Variants in PTPN11 observed in about 807,000 individuals in gnomAD.
PTPN11 encodes the protein tyrosine-protein phosphatase non-receptor type 11.
PTPN11 carries 6 observed loss-of-function variants against 78.8 expected under a neutral mutation model. The ratio of observed to expected loss-of-function variants is 0.08; its 90% CI spans 0.04 to 0.15. PTPN11 has a LOEUF of 0.15. Ranked by LOEUF, PTPN11 falls within the 10% of genes least tolerant of loss-of-function variation. The pLI is 1.00. For synonymous variants in PTPN11, 221 were observed against 263.5 expected, an observed-to-expected ratio of 0.84 and a Z score of 1.56; for missense variants, 386 against 744.8, an observed-to-expected ratio of 0.52 and a Z score of 5.61.
intron 13 of PTPN11, among the ~76,000 whole-genome samples, chr12:112,497,005 C>G (rs1359681304): frequency 6.6e-6 from 1 of 151,996 alleles, no homozygotes; most frequent in African/African-American, 2.4e-5. Context: ...AACCCCATCT[C>G]TACAAAAAAT....
In PTPN11 at chr12:112,458,468, T is replaced by G. The variant is rs139476989; in HGVS notation, c.756+2405T>G. Among the ~76,000 whole-genome samples, 945 of 152,302 alleles carry G rather than the reference T, an allele frequency of 6.2e-3. 13 individuals carry two copies. Among genetic ancestry groups the G allele is most frequent in the South Asian group, 0.032 (152 of 4,824 alleles). ...CAAACAATTCTCCTGTCTTGGCCTCTCAAAGTGTTGGGATTACAGGTGTGA... is the reference window on the plus strand; with the variant it reads ...CAAACAATTCTCCTGTCTTGGCCTCGCAAAGTGTTGGGATTACAGGTGTGA... On this transcript the variant is annotated intron_variant, in intron 6 of 15. Coordinates refer to ENST00000351677, the MANE Select transcript of PTPN11 (RefSeq NM_002834.5).
At chr12:112,428,440 C>T (rs531952314) in intron 1 of PTPN11, among the ~76,000 whole-genome samples, 1 of 137,172 alleles carries the variant, frequency 7.3e-6, no homozygotes, top group Non-Finnish European at 1.5e-5. Flanking sequence ...AATATACAAG[C>T]GCTTATAACC....
intron 1 of PTPN11, among the ~76,000 whole-genome samples, chr12:112,442,833 TATATATATATATA>T (rs2037919189): frequency 5.9e-5 from 1 of 17,002 alleles, no homozygotes; most frequent in African/African-American, 7.1e-4. Flanking sequence ...TCTCTTTTTA[TATATATATATATA>T]TATATATATA....
chr12:112,492,731 A>T lies in PTPN11; in HGVS notation c.1599+3556A>T, dbSNP rs537500315. On this transcript the variant is annotated intron_variant, in intron 13 of 15. Coordinates refer to ENST00000351677, the MANE Select transcript of PTPN11 (RefSeq NM_002834.5). Reference sequence around the variant, plus strand: ...ACGGGGTCTCACCGTGTTAGCCAGGATGGTCTTGATCTCCTGACCTTGTGA... The same window carrying T: ...ACGGGGTCTCACCGTGTTAGCCAGGTTGGTCTTGATCTCCTGACCTTGTGA... Among the ~76,000 whole-genome samples the T allele has an allele frequency of 5.3e-5, 8 of 152,032 alleles. No individual in the cohort carries two copies. The South Asian group carries it at 1.7e-3, about 32-fold the overall frequency.
intron 5 of PTPN11, 113 bp from the exon 6 acceptor site, chr12:112,455,837 C>T: frequency 1.4e-6 from 1 of 710,124 alleles, no homozygotes; most frequent in South Asian, 1.6e-5. Context: ...TATGAACCCT[C>T]TGTCCGTGCC....
At chr12:112,466,514 G>C (rs2038327559) in intron 6 of PTPN11, among the ~76,000 whole-genome samples, 1 of 152,072 alleles carries the variant, frequency 6.6e-6, no homozygotes, top group Non-Finnish European at 1.5e-5. Flanking sequence ...CAGACCTCGG[G>C]CTAATTTTTG....
At chr12:112,420,779 G>A (rs995505753) in intron 1 of PTPN11, among the ~76,000 whole-genome samples, 6 of 152,206 alleles carry the variant, frequency 3.9e-5, no homozygotes, top group African/African-American at 1.4e-4. Context: ...TGGACAGGTC[G>A]GTTGGCAAGT....
intron 1 of PTPN11, among the ~76,000 whole-genome samples, chr12:112,427,347 C>T (rs984299211): frequency 9.9e-5 from 15 of 151,798 alleles, no homozygotes; most frequent in African/African-American, 3.4e-4. Context: ...GAGATCGAGA[C>T]CATCCTAGCT....
intron 13 of PTPN11, 58 bp downstream of exon 13, chr12:112,489,233 C>A (rs183081741): frequency 6.3e-7 from 1 of 1,593,854 alleles, no homozygotes. Flanking sequence ...CTCTTGGATA[C>A]GCTCTCCTTT....
At chr12:112,462,670 C>T (rs997885871) in intron 6 of PTPN11, among the ~76,000 whole-genome samples, 4 of 152,122 alleles carry the variant, frequency 2.6e-5, no homozygotes, top group African/African-American at 9.7e-5. Context: ...TTTTCTTAAA[C>T]AGTAGCATAA....
chr12:112,475,929 G>A (rs1419621092), intron 7 of PTPN11, among the ~76,000 whole-genome samples: 1 of 152,184 alleles, frequency 6.6e-6, no homozygotes, highest in African/African-American at 2.4e-5. Context: ...CATGGTACTA[G>A]TGACCTTGAG....
intron 1 of PTPN11, among the ~76,000 whole-genome samples, chr12:112,430,925 T>C (rs1180238579): frequency 1.3e-5 from 2 of 152,168 alleles, no homozygotes; most frequent in Admixed American, 6.5e-5. Flanking sequence ...AGCATACAGA[T>C]AGGGAAAAAT....
intron 1 of PTPN11, among the ~76,000 whole-genome samples, chr12:112,441,877 C>T (rs980585194): frequency 1.3e-5 from 2 of 151,370 alleles, no homozygotes; most frequent in Non-Finnish European, 2.9e-5. Flanking sequence ...ACTGGGTTCA[C>T]GCCATTCTCC....
chr12:112,438,635 C>T (rs2037833042), intron 1 of PTPN11, among the ~76,000 whole-genome samples: 1 of 152,134 alleles, frequency 6.6e-6, no homozygotes, highest in Non-Finnish European at 1.5e-5. Flanking sequence ...GTGCATGCCA[C>T]CATACCCGGC....
chr12:112,433,128 T>C (rs1216233128), intron 1 of PTPN11, among the ~76,000 whole-genome samples: 1 of 152,204 alleles, frequency 6.6e-6, no homozygotes, highest in Non-Finnish European at 1.5e-5. Context: ...CCCAAAGTGC[T>C]GGGATTACAG....
intron 2 of PTPN11, among the ~76,000 whole-genome samples, chr12:112,448,895 A>T (rs2135859421): frequency 6.6e-6 from 1 of 150,896 alleles, no homozygotes; most frequent in South Asian, 2.1e-4. Flanking sequence ...TTTTATTTTT[A>T]TTTTTTTTGA....
At chr12:112,421,992 G>T (rs1186354596) in intron 1 of PTPN11, among the ~76,000 whole-genome samples, 1 of 152,174 alleles carries the variant, frequency 6.6e-6, no homozygotes, top group East Asian at 1.9e-4. Context: ...GCAGGATAAA[G>T]CAGTAAGATA....
In PTPN11 at chr12:112,506,151, T is replaced by A. The variant is rs2038932233; in HGVS notation, c.*359T>A. The stretch of plus-strand genomic sequence containing the variant: ...ATTCTAGTAATAGGCTTTTTTATTT[T>A]TATTTTTATACCCTTAACCAGTTTA... On this transcript the variant is annotated 3_prime_UTR_variant, in exon 16 of 16. Coordinates refer to ENST00000351677, the MANE Select transcript of PTPN11 (RefSeq NM_002834.5). 1 of 152,250 alleles carries A rather than the reference T, an allele frequency of 6.6e-6. No individual in the cohort carries two copies. The highest frequency in any genetic ancestry group is 1.5e-5 in the Non-Finnish European group (1 of 68,048). The allele number at this position is 152,250 out of a possible 1,614,324, so 9.4% of individuals were successfully genotyped here.
intron 1 of PTPN11, among the ~76,000 whole-genome samples, chr12:112,444,522 G>T (rs1200532186): frequency 1.3e-5 from 2 of 151,954 alleles, no homozygotes; most frequent in Non-Finnish European, 1.5e-5. Flanking sequence ...TGTATTTTTA[G>T]TAGAGATGGG....
Sources: gnomAD v4.1 joint callset for allele counts (sites outside exome capture counted in the v4.1 genomes callset) on GRCh38, gnomAD v4.1.1 for gene constraint, MANE v1.5 for transcripts, NCBI Gene and HGNC (gene_info 2026-07-23, HGNC 2026-07-21) for gene names.